PTPRE: variants seen among roughly 807,000 people sequenced by gnomAD.
The protein encoded by PTPRE is receptor-type tyrosine-protein phosphatase epsilon.
Under a neutral mutation model 102.0 loss-of-function variants are expected in PTPRE, and 51 were observed. That is an observed-to-expected ratio of 0.50 (90% CI 0.40 to 0.63). The LOEUF is 0.63. Among genes scored for constraint, PTPRE ranks in the 30% least tolerant of loss-of-function variants. The pLI, the probability that PTPRE is intolerant of heterozygous loss-of-function variation, is 0.00. For missense variants in PTPRE, 752 were observed against 915.1 expected (o/e 0.82, Z 2.30); for synonymous variants, 345 against 348.2 (o/e 0.99, Z 0.10).
chr10:128,080,192 G>A (rs1050547237), intron 20 of PTPRE, among the ~76,000 whole-genome samples: 6 of 152,162 alleles, frequency 3.9e-5, no homozygotes, highest in African/African-American at 9.7e-5. Flanking sequence ...AGTTTTCCCC[G>A]TACATTCTTT....
At chr10:127,932,582 C>G (rs1175198370) in intron 1 of PTPRE, among the ~76,000 whole-genome samples, 1 of 152,224 alleles carries the variant, frequency 6.6e-6, no homozygotes, top group African/African-American at 2.4e-5. Context: ...GCTTTCCCTG[C>G]AGCAACAGAG....
At chr10:127,916,920 C>G (rs1036114689) in intron 1 of PTPRE, among the ~76,000 whole-genome samples, 13 of 152,090 alleles carry the variant, frequency 8.5e-5, no homozygotes, top group African/African-American at 3.1e-4. Context: ...ACCCCTCCCC[C>G]CATCCTGAGG....
chr10:128,026,388 C>T (rs966472546), intron 2 of PTPRE, among the ~76,000 whole-genome samples: 2 of 152,250 alleles, frequency 1.3e-5, no homozygotes, highest in African/African-American at 4.8e-5. Context: ...TTCCACCTGG[C>T]TGGCACCTGA....
intron 2 of PTPRE, among the ~76,000 whole-genome samples, chr10:128,004,321 A>G (rs1346425126): frequency 3.3e-5 from 5 of 151,978 alleles, no homozygotes; most frequent in Non-Finnish European, 7.4e-5. Flanking sequence ...ACCGTTTTGT[A>G]CATTCACAGT....
chr10:128,076,789 G>T (rs960686380), intron 18 of PTPRE, 61 bp downstream of exon 18: 1 of 1,596,044 alleles, frequency 6.3e-7, no homozygotes, highest in African/African-American at 1.4e-5. Context: ...CTCCCTCTGG[G>T]TTCTGCTTGT....
intron 1 of PTPRE, among the ~76,000 whole-genome samples, chr10:127,917,191 C>T (rs892266578): frequency 2.0e-5 from 3 of 151,398 alleles, no homozygotes; most frequent in Non-Finnish European, 4.4e-5. Flanking sequence ...CACAGGCTTA[C>T]GAGATGATGG....
At chr10:127,929,877 C>G (rs2135228356) in intron 1 of PTPRE, among the ~76,000 whole-genome samples, 1 of 151,488 alleles carries the variant, frequency 6.6e-6, no homozygotes, top group African/African-American at 2.4e-5. Flanking sequence ...GCCAACATGG[C>G]AAAACCCCAT....
rs187175311 is a variant in PTPRE, at chr10:127,939,843, C to T, written c.-31+32534C>T. On this transcript the variant is annotated intron_variant, in intron 1 of 20. Transcript: ENST00000254667. ...AGGAAGAAGCAGGTGAGGGCAGGTG[C>T]AGGCAGATGTGGGCAGGTGGAGGCA... Among the ~76,000 whole-genome samples the T allele has an allele frequency of 1.0e-4, 15 of 147,288 alleles. No individual in the cohort carries two copies. The East Asian group carries it at 2.9e-3, about 28-fold the overall frequency.
rs80189334 is a variant in PTPRE at position 127,949,059 on chromosome 10, C to G, written c.-30-33215C>G. ...AGCCTTTGGATTCCAGAACTTACAC[C>G]AGTGCCCCACCCTCAATCCATCCCC... On this transcript the variant is annotated intron_variant, in intron 1 of 20. Transcript: ENST00000254667. Among the ~76,000 whole-genome samples, 993 of 152,376 alleles carry G rather than the reference C, an allele frequency of 6.5e-3. 4 individuals are homozygous for G. Among genetic ancestry groups the G allele is most frequent in the East Asian group, 0.019 (100 of 5,190 alleles).
intron 6 of PTPRE, among the ~76,000 whole-genome samples, chr10:128,051,367 A>G (rs1848552455): frequency 6.6e-6 from 1 of 152,278 alleles, no homozygotes; most frequent in Non-Finnish European, 1.5e-5. Flanking sequence ...AACACTTAAA[A>G]TATCAAAATT....
At chr10:127,972,167 G>T (rs914089232) in intron 1 of PTPRE, among the ~76,000 whole-genome samples, 3 of 152,112 alleles carry the variant, frequency 2.0e-5, no homozygotes, top group South Asian at 2.1e-4. Flanking sequence ...TCTGTGGTTG[G>T]CTGGGCAGTG....
intron 2 of PTPRE, chr10:127,998,173 A>G (rs1251942921): frequency 6.6e-6 from 1 of 152,238 alleles, no homozygotes; most frequent in Non-Finnish European, 1.5e-5. Context: ...TGCAGTAGAG[A>G]TGGTTTTCAA....
intron 6 of PTPRE, among the ~76,000 whole-genome samples, chr10:128,054,761 C>T (rs1391005018): frequency 3.9e-5 from 6 of 152,056 alleles, no homozygotes; most frequent in Non-Finnish European, 7.4e-5. Context: ...GAGGAAGACT[C>T]GGGACACCTG....
At chr10:127,956,753 TTTGGCTATTACAATAGGTGGG>T (rs1185774191) in intron 1 of PTPRE, among the ~76,000 whole-genome samples, 2 of 152,204 alleles carry the variant, frequency 1.3e-5, no homozygotes, top group African/African-American at 4.8e-5. Context: ...TGTTCCGGAT[TTTGGCTATTACAATAGGTGGG>T]TAGTGGTGTC....
intron 3 of PTPRE, among the ~76,000 whole-genome samples, chr10:128,044,911 A>G (rs983593772): frequency 6.6e-6 from 1 of 152,264 alleles, no homozygotes; most frequent in African/African-American, 2.4e-5. Flanking sequence ...ATGTTTACAT[A>G]AAAATATGAA....
At chr10:127,992,587 C>CT (rs1480103655) in intron 2 of PTPRE, among the ~76,000 whole-genome samples, 1 of 152,150 alleles carries the variant, frequency 6.6e-6, no homozygotes, top group East Asian at 1.9e-4. Context: ...GCTCCTGGGC[C>CT]TCGGGGCACT....
intron 1 of PTPRE, among the ~76,000 whole-genome samples, chr10:127,972,912 C>G (rs1422271167): frequency 2.0e-5 from 3 of 152,208 alleles, no homozygotes; most frequent in African/African-American, 7.2e-5. Context: ...TGGGACTGTC[C>G]AGCTGTGTGG....
intron 3 of PTPRE, among the ~76,000 whole-genome samples, chr10:128,045,260 G>A (rs1250277926): frequency 6.6e-6 from 1 of 152,260 alleles, no homozygotes; most frequent in African/African-American, 2.4e-5. Context: ...GTCTTCTATG[G>A]AAGTACCCAT....
At chr10:128,031,437 C>G (rs1846748041) in intron 2 of PTPRE, among the ~76,000 whole-genome samples, 1 of 152,194 alleles carries the variant, frequency 6.6e-6, no homozygotes, top group Admixed American at 6.5e-5. Flanking sequence ...CCCAACACTT[C>G]CATTGTTTCA....
Sources: allele counts gnomAD v4.1 joint callset (sites outside exome capture counted in the v4.1 genomes callset), GRCh38; gene constraint gnomAD v4.1.1; transcripts MANE v1.5; gene names NCBI Gene and HGNC (gene_info 2026-07-23, HGNC 2026-07-21).